EEFSEC: variants seen among roughly 807,000 people sequenced by gnomAD.
EEFSEC encodes selenocysteine-specific elongation factor.
In EEFSEC, 43 loss-of-function variants were observed where a neutral mutation model predicts 42.1. The ratio of observed to expected loss-of-function variants is 1.02; its 90% CI spans 0.80 to 1.32. The LOEUF (loss-of-function observed/expected upper bound fraction) is 1.32. Ranked by LOEUF, EEFSEC falls within the 40% of genes most tolerant of loss-of-function variation. The pLI, the probability that EEFSEC is intolerant of heterozygous loss-of-function variation, is 0.00. For missense variants in EEFSEC, 745 were observed against 803.6 expected (o/e 0.93, Z 0.88); for synonymous variants, 354 against 339.1 (o/e 1.04, Z -0.48).
At chr3:128,187,358 T>C (rs1168417212) in intron 1 of EEFSEC, among the ~76,000 whole-genome samples, 1 of 152,178 alleles carries the variant, frequency 6.6e-6, no homozygotes, top group African/African-American at 2.4e-5. Context: ...AGAAATAGTG[T>C]GCTAGACCAG....
intron 5 of EEFSEC, among the ~76,000 whole-genome samples, chr3:128,349,473 A>G (rs1193820142): frequency 6.6e-6 from 1 of 152,166 alleles, no homozygotes; most frequent in Non-Finnish European, 1.5e-5. Context: ...GTAACAAATC[A>G]TGACTTTTCA....
At chr3:128,225,278 A>G (rs1457041957) in intron 1 of EEFSEC, among the ~76,000 whole-genome samples, 4 of 152,044 alleles carry the variant, frequency 2.6e-5, no homozygotes, top group African/African-American at 9.7e-5. Flanking sequence ...ACAGTGAGGC[A>G]AGTCCAGCCC....
At chr3:128,412,077 A>G (rs2068177905), downstream of EEFSEC, among the ~76,000 whole-genome samples, 1 of 152,162 alleles carries the variant, frequency 6.6e-6, no homozygotes, top group Non-Finnish European at 1.5e-5. Context: ...CAGTGTACAC[A>G]GGGTGGTGGC....
intron 4 of EEFSEC, among the ~76,000 whole-genome samples, chr3:128,334,503 C>T (rs767754873): frequency 6.6e-6 from 1 of 152,246 alleles, no homozygotes; most frequent in Admixed American, 6.5e-5. Context: ...CAGCGTTTAT[C>T]GTCCCAAGTC....
intron 1 of EEFSEC, among the ~76,000 whole-genome samples, chr3:128,226,710 G>A (rs2065911156): frequency 6.6e-6 from 1 of 152,178 alleles, no homozygotes; most frequent in Non-Finnish European, 1.5e-5. Context: ...GTTTCCCCCA[G>A]AAGACTCTGA....
intron 6 of EEFSEC, among the ~76,000 whole-genome samples, chr3:128,377,450 G>A (rs978233610): frequency 3.9e-5 from 6 of 152,158 alleles, no homozygotes; most frequent in Non-Finnish European, 5.9e-5. Context: ...AATGGATACC[G>A]AATGTGCCCT....
intron 3 of EEFSEC, among the ~76,000 whole-genome samples, chr3:128,263,662 A>G (rs1007525105): frequency 6.6e-6 from 1 of 152,248 alleles, no homozygotes. Context: ...TGTTATCACA[A>G]GACTAAGACT....
At chr3:128,406,837 A>AAT (rs71278677) in intron 6 of EEFSEC, among the ~76,000 whole-genome samples, 271 of 150,974 alleles carry the variant, frequency 1.8e-3, no homozygotes, top group Middle Eastern at 3.5e-3. Flanking sequence ...CACACACACA[A>AAT]ATATATATAT....
intron 4 of EEFSEC, among the ~76,000 whole-genome samples, chr3:128,299,754 G>A (rs1235160415): frequency 1.3e-5 from 2 of 152,176 alleles, no homozygotes; most frequent in African/African-American, 4.8e-5. Context: ...GCCCTAACAT[G>A]AGGATTATAA....
At chr3:128,384,744 G>A (rs1488744455) in intron 6 of EEFSEC, among the ~76,000 whole-genome samples, 1 of 152,296 alleles carries the variant, frequency 6.6e-6, no homozygotes, top group Admixed American at 6.5e-5. Flanking sequence ...TCATTCAGCC[G>A]CTGTTTCCCA....
At chr3:128,319,202 G>T (rs2066980867) in intron 4 of EEFSEC, among the ~76,000 whole-genome samples, 1 of 152,130 alleles carries the variant, frequency 6.6e-6, no homozygotes, top group African/African-American at 2.4e-5. Flanking sequence ...ATTTTCTGTG[G>T]CTCCTGACCC....
rs569451757 is a variant in EEFSEC, at chr3:128,370,972, G to A, written c.1600+12599G>A. Among the ~76,000 whole-genome samples, 12 of 152,320 alleles carry A rather than the reference G, an allele frequency of 7.9e-5. No homozygotes were observed. The South Asian group carries it at 2.5e-3, about 32-fold the overall frequency. On this transcript the variant is annotated intron_variant, in intron 6 of 6. Coordinates refer to ENST00000254730, the MANE Select transcript of EEFSEC (RefSeq NM_021937.5). ...GGAACAGAGTGTGCTAGGGCACAGAGGATGGAAAGAGTGGCATATTCTGGG... is the reference window on the plus strand; with the variant it reads ...GGAACAGAGTGTGCTAGGGCACAGAAGATGGAAAGAGTGGCATATTCTGGG...
rs182834834 is a variant in EEFSEC, at chr3:128,166,912, G to A, written c.316+13089G>A. ...ATAGTCTCCTTGATTCCAACCCCCC[G>A]CAGAAGGTATAGGGATAGAAGAGAG... On this transcript the variant is annotated intron_variant, in intron 1 of 6. Transcript: ENST00000254730. Among the ~76,000 whole-genome samples the A allele has an allele frequency of 1.1e-3, 161 of 152,144 alleles. 1 individual carries two copies. Among genetic ancestry groups the A allele is most frequent in the African/African-American group, 3.7e-3 (155 of 41,514 alleles).
intron 4 of EEFSEC, among the ~76,000 whole-genome samples, chr3:128,269,477 G>A (rs1487139362): frequency 1.3e-5 from 2 of 152,242 alleles, no homozygotes; most frequent in Non-Finnish European, 2.9e-5. Context: ...ATTGGGCACC[G>A]GGACATGGGG....
intron 1 of EEFSEC, among the ~76,000 whole-genome samples, chr3:128,160,801 C>T (rs189016257): frequency 2.0e-5 from 3 of 152,048 alleles, no homozygotes; most frequent in South Asian, 2.1e-4. Flanking sequence ...CGCACACACA[C>T]GCGCGCACAC....
At chr3:128,205,174 C>A (rs941045938) in intron 1 of EEFSEC, among the ~76,000 whole-genome samples, 1 of 152,130 alleles carries the variant, frequency 6.6e-6, no homozygotes, top group African/African-American at 2.4e-5. Context: ...CTTGTTTAAT[C>A]ATTTATTGAT....
In EEFSEC at chr3:128,199,508, G is replaced by A. The variant is rs139831457; in HGVS notation, c.316+45685G>A. ...GAGTTCAAATTCACTCTGTTTAGTGGCTGTAGGATATTCCCTTGTGTCTAT... is the reference window on the plus strand; with the variant it reads ...GAGTTCAAATTCACTCTGTTTAGTGACTGTAGGATATTCCCTTGTGTCTAT... On this transcript the variant is annotated intron_variant, in intron 1 of 6. Coordinates refer to ENST00000254730, the MANE Select transcript of EEFSEC (RefSeq NM_021937.5). Among the ~76,000 whole-genome samples, 6 of 152,252 alleles carry A rather than the reference G, an allele frequency of 3.9e-5. No individual in the cohort carries two copies. In the East Asian group the frequency reaches 1.2e-3, roughly 29 times the overall value.
At chr3:128,339,331 G>C (rs1015273088) in intron 4 of EEFSEC, among the ~76,000 whole-genome samples, 1 of 152,170 alleles carries the variant, frequency 6.6e-6, no homozygotes, top group African/African-American at 2.4e-5. Context: ...TATCCAGGGA[G>C]AAAATGAGTG....
intron 6 of EEFSEC, among the ~76,000 whole-genome samples, chr3:128,393,569 T>C (rs2067942777): frequency 1.3e-5 from 2 of 152,180 alleles, no homozygotes. Flanking sequence ...ATCCCAGGTG[T>C]AAAACAGCCC....
Sources: gnomAD v4.1 joint callset for allele counts (sites outside exome capture counted in the v4.1 genomes callset) on GRCh38, gnomAD v4.1.1 for gene constraint, MANE v1.5 for transcripts, NCBI Gene and HGNC (gene_info 2026-07-23, HGNC 2026-07-21) for gene names.